Variants in NRG3 observed in about 807,000 individuals in gnomAD.
NRG3 encodes pro-neuregulin-3, membrane-bound isoform.
NRG3 carries 31 observed loss-of-function variants against 66.9 expected under a neutral mutation model. That is an observed-to-expected ratio of 0.46 (90% confidence interval 0.35 to 0.63). The LOEUF is 0.63. NRG3 is among the 20% of genes least tolerant of loss of function. NRG3 has a pLI of 0.00. For missense variants in NRG3, 910 were observed against 878.9 expected, an observed-to-expected ratio of 1.04 and a Z score of -0.45; for synonymous variants, 393 against 359.4, an observed-to-expected ratio of 1.09 and a Z score of -1.06.
intron 1 of NRG3, chr10:81,877,993 C>A (rs761916355): frequency 2.0e-6 from 3 of 1,537,146 alleles, no homozygotes; most frequent in African/African-American, 2.7e-5. Flanking sequence ...CCCTTGTATG[C>A]GTTGGGAGAG....
chr10:82,664,453 G>A (rs2052606500), intron 2 of NRG3, among the ~76,000 whole-genome samples: 1 of 151,998 alleles, frequency 6.6e-6, no homozygotes, highest in Non-Finnish European at 1.5e-5. Context: ...TTAATTATTG[G>A]GGAAAAGGCA....
chr10:82,011,278 C>G (rs1356412517), intron 1 of NRG3, among the ~76,000 whole-genome samples: 1 of 152,122 alleles, frequency 6.6e-6, no homozygotes, highest in Non-Finnish European at 1.5e-5. Context: ...ATAGAAGCAT[C>G]ACATCTCATG....
chr10:82,099,984 A>AATATATATATATATATAT (rs3036603), intron 1 of NRG3, among the ~76,000 whole-genome samples: 1 of 146,022 alleles, frequency 6.8e-6, no homozygotes, highest in East Asian at 2.0e-4. Flanking sequence ...CCCTGTCTCT[A>AATATATATATATATATAT]ATATATATAT....
chr10:81,999,358 C>T (rs759155144), intron 1 of NRG3, among the ~76,000 whole-genome samples: 1 of 152,090 alleles, frequency 6.6e-6, no homozygotes, highest in South Asian at 2.1e-4. Flanking sequence ...GAAAGAAGTA[C>T]GTTGGTGTTT....
At chr10:82,207,753 A>G (rs1297842222) in intron 1 of NRG3, among the ~76,000 whole-genome samples, 3 of 152,132 alleles carry the variant, frequency 2.0e-5, no homozygotes, top group African/African-American at 7.2e-5. Flanking sequence ...GAGAAGAGTG[A>G]ATGAGTGAAG....
At chr10:82,457,331 G>T (rs569141860) in intron 2 of NRG3, among the ~76,000 whole-genome samples, 2 of 152,108 alleles carry the variant, frequency 1.3e-5, no homozygotes, top group Non-Finnish European at 1.5e-5. Flanking sequence ...AAATCATCAG[G>T]TATTAGATTC....
At chr10:82,300,867 A>G (rs1452645330) in intron 1 of NRG3, among the ~76,000 whole-genome samples, 1 of 151,984 alleles carries the variant, frequency 6.6e-6, no homozygotes, top group Non-Finnish European at 1.5e-5. Context: ...GTCCACTTGT[A>G]CTCCTATAGT....
chr10:82,645,008 A>G (rs2050839629), intron 2 of NRG3, among the ~76,000 whole-genome samples: 1 of 152,186 alleles, frequency 6.6e-6, no homozygotes, highest in African/African-American at 2.4e-5. Context: ...ATACAAAATA[A>G]TCAATAATTT....
rs541317633 is a variant in NRG3, at chr10:82,424,101, T to C, written c.953+65233T>C. ...ATGGTGACTAATGCTTCTATAGACA[T>C]TTGCCCAAAAGTTTTTGTATGGACA... On this transcript the variant is annotated intron_variant, in intron 2 of 8. Transcript: ENST00000372141. Among the ~76,000 whole-genome samples the C allele has an allele frequency of 7.2e-5, 11 of 152,130 alleles. No homozygotes were observed. The South Asian group carries it at 2.3e-3, about 32-fold the overall frequency.
chr10:82,980,202 C>G (rs1319086871), intron 8 of NRG3, among the ~76,000 whole-genome samples: 1 of 118,474 alleles, frequency 8.4e-6, no homozygotes, highest in East Asian at 2.1e-4. Context: ...GAGACCCTAT[C>G]TCAAAAAAGA....
chr10:81,977,302 A>G (rs904313511), intron 1 of NRG3, among the ~76,000 whole-genome samples: 1 of 152,146 alleles, frequency 6.6e-6, no homozygotes, highest in African/African-American at 2.4e-5. Flanking sequence ...GTGCTCCTGA[A>G]AGCTGGGTTT....
chr10:82,378,343 G>C (rs1348736305), intron 2 of NRG3, among the ~76,000 whole-genome samples: 2 of 152,190 alleles, frequency 1.3e-5, no homozygotes, highest in Non-Finnish European at 2.9e-5. Flanking sequence ...AGAGCAGGAG[G>C]CAGCTCATGG....
intron 1 of NRG3, among the ~76,000 whole-genome samples, chr10:82,112,677 TACAA>T (rs2067458856): frequency 6.6e-6 from 1 of 152,216 alleles, no homozygotes; most frequent in Non-Finnish European, 1.5e-5. Flanking sequence ...TCATGGATCT[TACAA>T]ATTTAGGTGA....
At chr10:81,911,378 C>G (rs1358277694) in intron 1 of NRG3, among the ~76,000 whole-genome samples, 6 of 152,070 alleles carry the variant, frequency 3.9e-5, no homozygotes, top group African/African-American at 1.2e-4. Flanking sequence ...AGAACCAGCC[C>G]TTCCCTTCCC....
chr10:82,150,961 G>A (rs1196319830), intron 1 of NRG3, among the ~76,000 whole-genome samples: 3 of 152,166 alleles, frequency 2.0e-5, no homozygotes, highest in Non-Finnish European at 4.4e-5. Context: ...CAAAACTTGA[G>A]CCTTGTTAGG....
intron 1 of NRG3, among the ~76,000 whole-genome samples, chr10:82,265,156 C>G (rs1443081178): frequency 6.6e-6 from 1 of 152,128 alleles, no homozygotes; most frequent in African/African-American, 2.4e-5. Context: ...TTGGGGCCGC[C>G]AGTGCCAAGA....
intron 1 of NRG3, among the ~76,000 whole-genome samples, chr10:82,316,637 C>T (rs1185402723): frequency 1.3e-5 from 2 of 152,128 alleles, no homozygotes; most frequent in South Asian, 4.1e-4. Context: ...GTCATTTGCT[C>T]CATTTTGTCT....
At chr10:82,200,128 A>G (rs2074710834) in intron 1 of NRG3, among the ~76,000 whole-genome samples, 1 of 152,224 alleles carries the variant, frequency 6.6e-6, no homozygotes, top group African/African-American at 2.4e-5. Context: ...AGTACTGGAA[A>G]TACAACAGTG....
At chr10:82,649,542 C>T (rs1377446923) in intron 2 of NRG3, among the ~76,000 whole-genome samples, 1 of 138,836 alleles carries the variant, frequency 7.2e-6, no homozygotes, top group Non-Finnish European at 1.5e-5. Flanking sequence ...ACTATCTCAG[C>T]TCACTGTAAC....
Sources: allele counts gnomAD v4.1 joint callset (sites outside exome capture counted in the v4.1 genomes callset), GRCh38; gene constraint gnomAD v4.1.1; transcripts MANE v1.5; gene names NCBI Gene and HGNC (gene_info 2026-07-23, HGNC 2026-07-21).